Variants in LAMP2 observed in about 807,000 individuals in gnomAD.
LAMP2 encodes lysosome associated membrane protein 2.
LAMP2 carries 4 observed loss-of-function variants against 25.6 expected under a neutral mutation model. The observed-to-expected ratio is 0.16, with a 90% CI of 0.08 to 0.36. The LOEUF (loss-of-function observed/expected upper bound fraction) is 0.36. LAMP2 is among the 10% of genes least tolerant of loss of function. The pLI, the probability that LAMP2 is intolerant of heterozygous loss-of-function variation, is 1.00. For missense variants in LAMP2, 272 were observed against 301.4 expected, an observed-to-expected ratio of 0.90 and a Z score of 0.72; for synonymous variants, 108 against 112.7, an observed-to-expected ratio of 0.96 and a Z score of 0.27.
At position 120,429,409 on chromosome X, in the gene LAMP2, G is replaced by T. The variant is rs1475247047; in HGVS notation, c.*1914C>A. The T allele has an allele frequency of 9.0e-6, 5 of 557,825 alleles. No individual in the cohort carries two copies. The highest frequency in any genetic ancestry group is 9.5e-5 in the South Asian group (1 of 10,564). 46.0% of individuals were successfully genotyped at this position (557,825 alleles called of 1,213,427 possible). The stretch of plus-strand genomic sequence containing the variant: ...TCACTTTCCTCATCTGTAAGAAGGG[G>T]ATAATAATACCTATAAGGTATTTGA... On this transcript the variant is annotated 3_prime_UTR_variant, in exon 9 of 9. Coordinates refer to ENST00000200639, the MANE Select transcript of LAMP2 (RefSeq NM_002294.3).
chrX:120,464,505 G>A, intron 1 of LAMP2, among the ~76,000 whole-genome samples: 1 of 110,903 alleles, frequency 9.0e-6, no homozygotes, highest in Non-Finnish European at 1.9e-5. Context: ...AAAACTAGGG[G>A]GAAACAAAAA....
chrX:120,467,147 G>A (rs1429744693), intron 1 of LAMP2, among the ~76,000 whole-genome samples: 1 of 112,555 alleles, frequency 8.9e-6, no homozygotes, highest in African/African-American at 3.2e-5. Flanking sequence ...CAGCAGAAAA[G>A]GACAAATACC....
intron 8 of LAMP2, among the ~76,000 whole-genome samples, chrX:120,439,483 T>C (rs2058561989): frequency 1.9e-5 from 2 of 106,778 alleles, no homozygotes; most frequent in Non-Finnish European, 3.8e-5. Flanking sequence ...TCTAAGACTT[T>C]CTTTGTCCTT....
chrX:120,453,606 G>A (rs951754834), intron 3 of LAMP2, among the ~76,000 whole-genome samples: 12 of 111,740 alleles, frequency 1.1e-4, no homozygotes, highest in Non-Finnish European at 1.5e-4. Context: ...TCAGGATTTC[G>A]AGACCATCCT....
Position 120,426,174 on chromosome X carries a change from A to C in LAMP2, c.*5149T>G, listed in dbSNP as rs1334619906. Among the ~76,000 whole-genome samples the C allele has an allele frequency of 3.0e-5, 3 of 100,266 alleles. No individual in the cohort carries two copies. Among genetic ancestry groups the C allele is most frequent in the Non-Finnish European group, 6.0e-5 (3 of 49,716 alleles). The allele number at this position is 100,266 out of a possible 115,157, so 87.1% of individuals were successfully genotyped here. On this transcript the variant is annotated 3_prime_UTR_variant, in exon 9 of 9. Coordinates refer to ENST00000200639, the MANE Select transcript of LAMP2 (RefSeq NM_002294.3). ...GGTATGGAATGTATGATCTTTATTA[A>C]TTTTTAATCCATCAATCTAAAATCA...
At chrX:120,437,465 C>G (rs968763350) in intron 8 of LAMP2, 10 of 748,108 alleles carry the variant, frequency 1.3e-5, no homozygotes, top group Non-Finnish European at 1.6e-6. Context: ...CCATATATGG[C>G]TGCATATTAA....
chrX:120,429,257 C>T lies in LAMP2; in HGVS notation c.*2066G>A, dbSNP rs978706985. ...TCTAATGCGTTGCAGTCCATTCCAC[C>T]GAACCACCAGGAAAGCAACATGTGC... On this transcript the variant is annotated 3_prime_UTR_variant, in exon 9 of 9. Coordinates refer to ENST00000200639, the MANE Select transcript of LAMP2 (RefSeq NM_002294.3). 7 of 745,256 alleles carry T rather than the reference C, an allele frequency of 9.4e-6. No homozygotes were observed. The highest frequency in any genetic ancestry group is 7.5e-4 in the Middle Eastern group (1 of 1,335). The allele number at this position is 745,256 out of a possible 1,213,427, so 61.4% of individuals were successfully genotyped here.
At chrX:120,449,447 T>C (rs964343383) in intron 3 of LAMP2, among the ~76,000 whole-genome samples, 2 of 111,914 alleles carry the variant, frequency 1.8e-5, no homozygotes, top group Non-Finnish European at 3.8e-5. Context: ...AAACCTCGTC[T>C]CTACTAAAAA....
chrX:120,462,613 T>C (rs1386327494), intron 1 of LAMP2, among the ~76,000 whole-genome samples: 15 of 110,535 alleles, frequency 1.4e-4, no homozygotes, highest in African/African-American at 4.9e-4. Flanking sequence ...TGCAAGTCTA[T>C]TTGACCCAAA....
At position 120,430,773 on chromosome X, in the gene LAMP2, T is replaced by C. The variant is rs756938982; in HGVS notation, c.*550A>G. Reference sequence around the variant, plus strand: ...AGCAAAAGTCACATAACCTTTAAAATGCTGATGGTCCTGAGGACATTCTCT... The same window carrying C: ...AGCAAAAGTCACATAACCTTTAAAACGCTGATGGTCCTGAGGACATTCTCT... On this transcript the variant is annotated 3_prime_UTR_variant, in exon 9 of 9. Transcript: ENST00000200639. 1.3e-6 allele frequency: 1 copy of C among 754,724 alleles called. No individual in the cohort carries two copies. The highest frequency in any genetic ancestry group is 1.6e-6 in the Non-Finnish European group (1 of 639,308). The allele number at this position is 754,724 out of a possible 1,213,427, so 62.2% of individuals were successfully genotyped here. A position where few individuals can be genotyped will look rare whatever the true frequency, so the allele number is the denominator to read the frequency against.
At position 120,430,552 on chromosome X, in the gene LAMP2, G is replaced by T; in HGVS notation, c.*771C>A. 1.3e-6 allele frequency: 1 copy of T among 752,892 alleles called. No homozygotes were observed. Among genetic ancestry groups the T allele is most frequent in the Non-Finnish European group, 1.6e-6 (1 of 637,928 alleles). 62.0% of individuals were successfully genotyped at this position (752,892 alleles called of 1,213,427 possible). A position where few individuals can be genotyped will look rare whatever the true frequency, so the allele number is the denominator to read the frequency against. On this transcript the variant is annotated 3_prime_UTR_variant, in exon 9 of 9. Transcript: ENST00000200639. The stretch of plus-strand genomic sequence containing the variant: ...AGGCATCCAAAGAAGAACAAAACAA[G>T]AAACAAAAAAGCAAGTGGCTAAATA...
intron 8 of LAMP2, chrX:120,437,683 T>C: frequency 2.7e-6 from 2 of 749,195 alleles, no homozygotes; most frequent in African/African-American, 2.3e-5. Flanking sequence ...GATTCTACCA[T>C]AATGAATAAT....
chrX:120,451,035 C>T (rs183380446), intron 3 of LAMP2, among the ~76,000 whole-genome samples: 94 of 109,850 alleles, frequency 8.6e-4, no homozygotes, highest in Middle Eastern at 4.7e-3. Flanking sequence ...TCAAACGATT[C>T]TCATGCCTCA....
Position 120,430,465 on chromosome X carries a change from A to T in LAMP2, c.*858T>A, listed in dbSNP as rs2058518411. Reference sequence around the variant, plus strand: ...TCCAGAGATCAACAAGATGAGGTAGAGAAACACAACACAATCTGTCCTAAT... The same window carrying T: ...TCCAGAGATCAACAAGATGAGGTAGTGAAACACAACACAATCTGTCCTAAT... On this transcript the variant is annotated 3_prime_UTR_variant, in exon 9 of 9. Coordinates refer to ENST00000200639, the MANE Select transcript of LAMP2 (RefSeq NM_002294.3). 1.3e-6 allele frequency: 1 copy of T among 751,341 alleles called. No individual in the cohort carries two copies. Among genetic ancestry groups the T allele is most frequent in the South Asian group, 6.8e-5 (1 of 14,718 alleles). 61.9% of individuals were successfully genotyped at this position (751,341 alleles called of 1,213,427 possible). A position where few individuals can be genotyped will look rare whatever the true frequency, so the allele number is the denominator to read the frequency against.
At chrX:120,465,674 C>A (rs1241992366) in intron 1 of LAMP2, among the ~76,000 whole-genome samples, 1 of 112,114 alleles carries the variant, frequency 8.9e-6, no homozygotes, top group Non-Finnish European at 1.9e-5. Context: ...GTCAAACTGG[C>A]ACAGCTAGAG....
rs1374827738 is a variant in LAMP2, at chrX:120,429,895, A to G, written c.*1428T>C. The G allele has an allele frequency of 1.3e-6, 1 of 750,506 alleles. No homozygotes were observed. 61.9% of individuals were successfully genotyped at this position (750,506 alleles called of 1,213,427 possible). ...TGTTATCTGGTGTGATTTATGATTA[A>G]GCAATAACTTGTACTTTTCTTCTAA... On this transcript the variant is annotated 3_prime_UTR_variant, in exon 9 of 9. Transcript: ENST00000200639.
intron 8 of LAMP2, chrX:120,437,302 CAT>C (rs113932840): frequency 1.3e-3 from 831 of 652,409 alleles, no homozygotes; most frequent in Non-Finnish European, 1.4e-3. Context: ...TATATGTGTG[CAT>C]ATATATATAT....
At chrX:120,450,395 AAAAAC>A (rs1190068118) in intron 3 of LAMP2, among the ~76,000 whole-genome samples, 10 of 112,160 alleles carry the variant, frequency 8.9e-5, no homozygotes, top group Non-Finnish European at 1.7e-4. Flanking sequence ...ATAGGAATTA[AAAAAC>A]AAAACAAAAC....
At chrX:120,444,631 C>T (rs2058588549) in intron 6 of LAMP2, among the ~76,000 whole-genome samples, 2 of 111,853 alleles carry the variant, frequency 1.8e-5, no homozygotes, top group East Asian at 2.8e-4. Flanking sequence ...GCACTCATCC[C>T]ATTTCATATA....
Sources: gnomAD v4.1 joint callset for allele counts (sites outside exome capture counted in the v4.1 genomes callset) on GRCh38, gnomAD v4.1.1 for gene constraint, MANE v1.5 for transcripts, NCBI Gene and HGNC (gene_info 2026-07-23, HGNC 2026-07-21) for gene names.